The following DAB1 variants were observed in gnomAD, a reference collection of about 807,000 sequenced individuals.
DAB1 encodes disabled homolog 1.
In DAB1, 15 loss-of-function variants were observed where a neutral mutation model predicts 64.6. That is an observed-to-expected ratio of 0.23 (90% CI 0.16 to 0.36). The LOEUF is 0.36. DAB1 is among the 10% of genes least tolerant of loss of function. DAB1 has a pLI of 1.00. For synonymous variants in DAB1, 235 were observed against 251.9 expected, an observed-to-expected ratio of 0.93 and a Z score of 0.64; for missense variants, 596 against 706.7, an observed-to-expected ratio of 0.84 and a Z score of 1.78.
intron 1 of DAB1, among the ~76,000 whole-genome samples, chr1:57,846,498 C>G (rs1050386307): frequency 6.6e-6 from 1 of 151,788 alleles, no homozygotes; most frequent in Non-Finnish European, 1.5e-5. Flanking sequence ...TCTCCTCCCT[C>G]CTGTATTTCT....
chr1:58,215,399 GTGTT>G (rs1658795185), intron 4 of DAB1, among the ~76,000 whole-genome samples: 2 of 72,578 alleles, frequency 2.8e-5, no homozygotes, highest in Admixed American at 1.3e-4. Flanking sequence ...CTCCATGATA[GTGTT>G]TTTTTTTTTT....
downstream of DAB1, among the ~76,000 whole-genome samples, chr1:57,825,911 C>T (rs1330840934): frequency 1.3e-5 from 2 of 152,090 alleles, no homozygotes; most frequent in Non-Finnish European, 2.9e-5. Flanking sequence ...GGTCTCATTC[C>T]GCCCTCCCAG....
chr1:57,905,014 T>C (rs2102000049), intron 5 of DAB1, among the ~76,000 whole-genome samples: 2 of 152,298 alleles, frequency 1.3e-5, no homozygotes, highest in South Asian at 4.1e-4. Flanking sequence ...CATTTATTGA[T>C]TGCACTTACT....
intron 14 of DAB1, among the ~76,000 whole-genome samples, chr1:56,998,968 G>C (rs1297984902): frequency 6.6e-6 from 1 of 152,180 alleles, no homozygotes; most frequent in Non-Finnish European, 1.5e-5. Flanking sequence ...GGATACTGTG[G>C]TTTTAAGCAT....
chr1:57,343,090 A>C (rs1028026105), intron 1 of DAB1, among the ~76,000 whole-genome samples: 1 of 151,960 alleles, frequency 6.6e-6, no homozygotes, highest in African/African-American at 2.4e-5. Context: ...CTGTTTTGAC[A>C]GGGCGCTGAT....
At chr1:58,442,921 C>T (rs1645028235) in intron 3 of DAB1, among the ~76,000 whole-genome samples, 1 of 152,126 alleles carries the variant, frequency 6.6e-6, no homozygotes, top group Non-Finnish European at 1.5e-5. Context: ...GGAATATAGA[C>T]ATCTTATTTT....
intron 5 of DAB1, among the ~76,000 whole-genome samples, chr1:57,960,102 A>C (rs1050067798): frequency 2.0e-5 from 3 of 152,122 alleles, no homozygotes; most frequent in Non-Finnish European, 2.9e-5. Flanking sequence ...AGGTCCTGCT[A>C]TGGTGAGGAG....
intron 5 of DAB1, among the ~76,000 whole-genome samples, chr1:57,978,944 G>A (rs1294788514): frequency 1.3e-5 from 2 of 152,124 alleles, no homozygotes; most frequent in Non-Finnish European, 2.9e-5. Flanking sequence ...GAGAAATAGG[G>A]ATGCTTGTAC....
intron 2 of DAB1, among the ~76,000 whole-genome samples, chr1:57,242,565 G>A (rs1668572349): frequency 6.6e-6 from 1 of 152,070 alleles, no homozygotes; most frequent in South Asian, 2.1e-4. Context: ...AAAAATAAAT[G>A]AACAGATCTG....
intron 7 of DAB1, among the ~76,000 whole-genome samples, chr1:57,599,092 T>C (rs1160312292): frequency 1.3e-5 from 2 of 151,952 alleles, no homozygotes; most frequent in East Asian, 1.9e-4. Flanking sequence ...AGACCCACCA[T>C]AGAATTCATA....
chr1:57,237,301 G>A (rs1376270071), intron 2 of DAB1, among the ~76,000 whole-genome samples: 4 of 152,324 alleles, frequency 2.6e-5, no homozygotes, highest in Admixed American at 6.5e-5. Context: ...TCCCCATGGG[G>A]AGACAATTCA....
Position 57,542,825 on chromosome 1 carries a change from T to C in DAB1, n.625+106767A>G, listed in dbSNP as rs531732318. ...GTATCAGGGTTGGTCTGTGTGACAA[T>C]AGAATGTGGCAGAAGAGATGATATG... On this transcript the variant is annotated intron_variant and non_coding_transcript_variant, in intron 7 of 20. Transcript: ENST00000485760. Among the ~76,000 whole-genome samples the C allele has an allele frequency of 8.7e-4, 133 of 152,228 alleles. 1 individual carries two copies. The highest frequency in any genetic ancestry group is 3.0e-3 in the African/African-American group (124 of 41,544).
At chr1:57,033,585 A>G in intron 9 of DAB1, 1 of 1,610,216 alleles carries the variant, frequency 6.2e-7, no homozygotes, top group South Asian at 1.1e-5. Flanking sequence ...TGAAAGTGGA[A>G]GGGATGATGA....
intron 3 of DAB1, among the ~76,000 whole-genome samples, chr1:58,446,282 T>C (rs1306553319): frequency 6.6e-6 from 1 of 152,220 alleles, no homozygotes; most frequent in African/African-American, 2.4e-5. Flanking sequence ...TCTCTCAATA[T>C]ATCTTTCTCT....
chr1:58,236,272 G>A (rs971539701), intron 4 of DAB1, among the ~76,000 whole-genome samples: 2 of 152,120 alleles, frequency 1.3e-5, no homozygotes, highest in South Asian at 4.2e-4. Flanking sequence ...ATTCTCCCAT[G>A]CATACAGCCC....
intron 5 of DAB1, chr1:58,048,273 A>G: frequency 7.8e-7 from 1 of 1,283,972 alleles, no homozygotes; most frequent in Non-Finnish European, 1.1e-6. Flanking sequence ...CCACCGCCAT[A>G]GGGGCCAGAG....
chr1:57,230,613 T>G (rs1384056301), intron 2 of DAB1, among the ~76,000 whole-genome samples: 2 of 152,108 alleles, frequency 1.3e-5, no homozygotes, highest in Non-Finnish European at 2.9e-5. Flanking sequence ...AACTTTGTGA[T>G]TTTCTTTGTA....
intron 6 of DAB1, among the ~76,000 whole-genome samples, chr1:57,766,223 A>T: frequency 6.7e-6 from 1 of 148,504 alleles, no homozygotes; most frequent in African/African-American, 2.5e-5. Flanking sequence ...CCATGTGTCC[A>T]CCCTTGTCTC....
intron 4 of DAB1, among the ~76,000 whole-genome samples, chr1:58,212,225 T>C (rs541247851): frequency 6.6e-6 from 1 of 152,314 alleles, no homozygotes; most frequent in East Asian, 1.9e-4. Flanking sequence ...GAAGAACAGA[T>C]TGAATGCCCA....
Sources: allele counts gnomAD v4.1 joint callset (sites outside exome capture counted in the v4.1 genomes callset), GRCh38; gene constraint gnomAD v4.1.1; transcripts MANE v1.5; gene names NCBI Gene and HGNC (gene_info 2026-07-23, HGNC 2026-07-21).